LGR6: variants seen among roughly 807,000 people sequenced by gnomAD.
LGR6 encodes the protein leucine rich repeat containing G protein-coupled receptor 6.
Under a neutral mutation model 69.4 loss-of-function variants are expected in LGR6, and 45 were observed. The ratio of observed to expected loss-of-function variants is 0.65; its 90% CI spans 0.51 to 0.83. LGR6 has a LOEUF of 0.83. Ranked by LOEUF, LGR6 falls within the 40% of genes least tolerant of loss-of-function variation. The pLI, the probability that LGR6 is intolerant of heterozygous loss-of-function variation, is 0.00. For missense variants in LGR6, 1,108 were observed against 1,246.7 expected, an observed-to-expected ratio of 0.89 and a Z score of 1.68; for synonymous variants, 538 against 555.0, an observed-to-expected ratio of 0.97 and a Z score of 0.43.
chr1:202,301,233 A>T lies in LGR6; in HGVS notation c.927A>T (p.Thr309=), dbSNP rs1352977168. 2 of 1,613,798 alleles carry T rather than the reference A, an allele frequency of 1.2e-6. No individual in the cohort carries two copies. Among genetic ancestry groups the T allele is most frequent in the Admixed American group, 1.7e-5 (1 of 60,004 alleles). Residue 309 remains threonine, a splice_region_variant and synonymous_variant, in exon 9 of 18, where the codon ACA becomes ACT. Coordinates refer to ENST00000367278, the MANE Select transcript of LGR6 (RefSeq NM_001017403.2). The part of the protein sequence containing the change: ...SAFQYLPKLH[T]LSLNGAMDIQ... ...TCCAGTACCTGCCTAAACTCCACACACTGTAAGTTGGCTCCTGAAGGCTGC... is the reference window on the plus strand; with the variant it reads ...TCCAGTACCTGCCTAAACTCCACACTCTGTAAGTTGGCTCCTGAAGGCTGC...
intron 6 of LGR6, among the ~76,000 whole-genome samples, chr1:202,284,406 C>A (rs908437303): frequency 6.6e-6 from 1 of 152,212 alleles, no homozygotes; most frequent in Non-Finnish European, 1.5e-5. Context: ...CCAGATCAGA[C>A]CAAATGTAGG....
At chr1:202,281,047 A>G (rs1489239462) in intron 6 of LGR6, 195 bp downstream of exon 6, 2 of 573,628 alleles carry the variant, frequency 3.5e-6, no homozygotes, top group African/African-American at 3.8e-5. Context: ...TTCCTCCTTC[A>G]GGTGGTCAGA....
intron 1 of LGR6, among the ~76,000 whole-genome samples, chr1:202,214,780 A>G (rs1300373348): frequency 2.6e-5 from 4 of 152,210 alleles, no homozygotes; most frequent in Non-Finnish European, 5.9e-5. Flanking sequence ...AAGGTGGCGA[A>G]ACCTCTTAAT....
chr1:202,293,970 A>G (rs1666973866), intron 6 of LGR6, among the ~76,000 whole-genome samples: 1 of 152,202 alleles, frequency 6.6e-6, no homozygotes, highest in Admixed American at 6.5e-5. Flanking sequence ...AATGAACTGT[A>G]TAAGGACTCA....
intron 12 of LGR6, chr1:202,306,616 G>A (rs1157769390): frequency 1.9e-6 from 1 of 531,708 alleles, no homozygotes; most frequent in East Asian, 3.4e-5. Context: ...CAGGCCCAGT[G>A]GGAACACTGG....
intron 1 of LGR6, among the ~76,000 whole-genome samples, chr1:202,198,134 ATGTGTCTGTG>A (rs745524907): frequency 5.3e-5 from 8 of 152,246 alleles, no homozygotes; most frequent in East Asian, 1.9e-4. Flanking sequence ...GTGTGTGCAT[ATGTGTCTGTG>A]TGTGTCTGTG....
At position 202,310,274 on chromosome 1, in the gene LGR6, G is replaced by C. The variant is rs957829685; in HGVS notation, c.1484G>C (p.Trp495Ser). ...CASFFKASGQWEAEDLHLDDE... is the reference protein window; with the variant it reads ...CASFFKASGQSEAEDLHLDDE... ...AGCTTCTTCAAGGCCTCTGGGCAGT[G>C]GGAGGCTGAAGACCTTCACCTTGAT... Residue 495 changes from tryptophan to serine, a missense_variant, in exon 16 of 18, where the codon TGG (tryptophan) becomes TCG (serine). Physicochemically the swap from Trp to Ser is radical, Grantham distance 177. Transcript: ENST00000367278. 6 of 1,613,976 alleles carry C rather than the reference G, an allele frequency of 3.7e-6. No homozygotes were observed. The highest frequency in any genetic ancestry group is 2.7e-5 in the African/African-American group (2 of 74,900).
At chr1:202,238,982 G>A (rs1013404242) in intron 4 of LGR6, among the ~76,000 whole-genome samples, 1 of 151,860 alleles carries the variant, frequency 6.6e-6, no homozygotes, top group Non-Finnish European at 1.5e-5. Context: ...GCGTAAAATG[G>A]CGTCAGCCCC....
At chr1:202,311,017 G>A (rs1282378754) in intron 16 of LGR6, among the ~76,000 whole-genome samples, 2 of 152,012 alleles carry the variant, frequency 1.3e-5, no homozygotes, top group Admixed American at 6.6e-5. Context: ...TTGGAGGCAG[G>A]CAGCCAAGGG....
At position 202,310,980 on chromosome 1, in the gene LGR6, T is replaced by C. The variant is rs571854218; in HGVS notation, c.1567+623T>C. On this transcript the variant is annotated intron_variant, in intron 16 of 17. Coordinates refer to ENST00000367278, the MANE Select transcript of LGR6 (RefSeq NM_001017403.2). ...GGCTGTCTTGGGCCATCTGTGTTTC[T>C]GGAAGAGTTAGGGTAAAAGGCACAT... Among the ~76,000 whole-genome samples, 9 of 152,106 alleles carry C rather than the reference T, an allele frequency of 5.9e-5. No individual in the cohort carries two copies. In the South Asian group the frequency reaches 1.9e-3, roughly 32 times the overall value.
At chr1:202,209,674 G>T (rs1458315733) in intron 1 of LGR6, among the ~76,000 whole-genome samples, 1 of 152,224 alleles carries the variant, frequency 6.6e-6, no homozygotes, top group Non-Finnish European at 1.5e-5. Flanking sequence ...TTTATTCTAT[G>T]GATTCCCTTG....
Position 202,237,314 on chromosome 1 carries a change from G to A in LGR6, c.428+1321G>A, listed in dbSNP as rs181754572. ...GCCAACGTCGGAAGACCAGAGGCCA[G>A]GCAAGCCTGTGCTTGCTCCCCACCC... On this transcript the variant is annotated intron_variant, in intron 4 of 17. Transcript: ENST00000367278. 2.0e-5 allele frequency among the ~76,000 whole-genome samples: 3 copies of A among 152,352 alleles called. No individual in the cohort carries two copies. In the East Asian group the frequency reaches 5.8e-4, roughly 29 times the overall value.
Position 202,194,007 on chromosome 1 carries a change from G to A in LGR6, c.18G>A (p.Gly6=). 3 of 1,378,720 alleles carry A rather than the reference G, an allele frequency of 2.2e-6. No individual in the cohort carries two copies. Among genetic ancestry groups the A allele is most frequent in the South Asian group, 1.6e-5 (1 of 62,116 alleles). The allele number at this position is 1,378,720 out of a possible 1,614,324, so 85.4% of individuals were successfully genotyped here. The part of the protein sequence containing the change: MPSPP[G]LRALWLCAAL... The stretch of plus-strand genomic sequence containing the variant: ...CCGCCGAGATGCCCAGCCCGCCGGG[G>A]CTCCGGGCGCTATGGCTTTGCGCCG... The change falls in exon 1 of 18, where the codon GGG becomes GGA. Residue 6 remains glycine (G), a synonymous_variant. Coordinates refer to ENST00000367278, the MANE Select transcript of LGR6 (RefSeq NM_001017403.2).
rs1441538671 is a variant in LGR6, at chr1:202,268,486, C to T, written c.429-7820C>T. Among the ~76,000 whole-genome samples, 3 of 151,984 alleles carry T rather than the reference C, an allele frequency of 2.0e-5. No homozygotes were observed. Among genetic ancestry groups the T allele is most frequent in the African/African-American group, 7.3e-5 (3 of 41,356 alleles). ...TTTTTTTTTAACTTTTAATATCCTC[C>T]CCCTTCCACCCTCCATTCTGTACTC... On this transcript the variant is annotated intron_variant, in intron 4 of 17. Coordinates refer to ENST00000367278, the MANE Select transcript of LGR6 (RefSeq NM_001017403.2). This position sits in a 1 kb window ranked among gnomAD's most constrained non-coding sequence, Gnocchi z 4.4.
At position 202,253,867 on chromosome 1, in the gene LGR6, G is replaced by A. The variant is rs540549356; in HGVS notation, c.428+17874G>A. 5.1e-3 allele frequency among the ~76,000 whole-genome samples: 664 copies of A among 129,206 alleles called. 3 individuals carry two copies. Among genetic ancestry groups the A allele is most frequent in the African/African-American group, 0.019 (643 of 33,276 alleles). 84.8% of individuals were successfully genotyped at this position (129,206 alleles called of 152,430 possible). On this transcript the variant is annotated intron_variant, in intron 4 of 17. Transcript: ENST00000367278. ...GTCGCCCAGGCTGGAGTGCAGTGGC[G>A]GGATCTCGGCTCACTGCAAGCTCCG...
intron 4 of LGR6, among the ~76,000 whole-genome samples, chr1:202,266,559 C>A (rs1664679171): frequency 6.6e-6 from 1 of 151,824 alleles, no homozygotes; most frequent in Non-Finnish European, 1.5e-5. Context: ...CAAGGACCCG[C>A]ACGTTCTTTT....
At chr1:202,310,444 T>A in intron 16 of LGR6, 87 bp downstream of exon 16, 5 of 1,277,552 alleles carry the variant, frequency 3.9e-6, no homozygotes, top group Non-Finnish European at 5.5e-6. Context: ...TGAGAGGGAA[T>A]CTGACAGCAG....
At chr1:202,210,380 A>G (rs1478965943) in intron 1 of LGR6, among the ~76,000 whole-genome samples, 1 of 150,982 alleles carries the variant, frequency 6.6e-6, no homozygotes, top group African/African-American at 2.4e-5. Flanking sequence ...GAATGAGTGA[A>G]TGAATGAATG....
rs78694844 is a variant in LGR6, at chr1:202,281,872, T to G, written c.716+1020T>G. Among the ~76,000 whole-genome samples the G allele has an allele frequency of 3.4e-3, 508 of 150,920 alleles. 5 individuals carry two copies. The highest frequency in any genetic ancestry group is 0.012 in the African/African-American group (491 of 40,996). The stretch of plus-strand genomic sequence containing the variant: ...GAATCCGAAGCAGCAGAGGAGAAAA[T>G]GCTGAGTCAAGCTGTGATCTGGGAA... On this transcript the variant is annotated intron_variant, in intron 6 of 17. Coordinates refer to ENST00000367278, the MANE Select transcript of LGR6 (RefSeq NM_001017403.2).
Sources: allele counts gnomAD v4.1 joint callset (sites outside exome capture counted in the v4.1 genomes callset), GRCh38; gene constraint gnomAD v4.1.1; non-coding constraint Gnocchi (gnomAD v3.1); transcripts MANE v1.5; gene names NCBI Gene and HGNC (gene_info 2026-07-23, HGNC 2026-07-21).